Variants in ADAM12 observed in about 807,000 individuals in gnomAD.
ADAM12 encodes the protein disintegrin and metalloproteinase domain-containing protein 12.
ADAM12 carries 70 observed loss-of-function variants against 106.4 expected under a neutral mutation model. The ratio of observed to expected loss-of-function variants is 0.66; its 90% confidence interval spans 0.54 to 0.80. ADAM12 has a LOEUF of 0.80. Ranked by LOEUF, ADAM12 falls within the 30% of genes least tolerant of loss-of-function variation. The probability of loss-of-function intolerance (pLI) is 0.00; values close to 1 mark genes in which losing one functional copy is unlikely to be tolerated. For missense variants in ADAM12, 1,010 were observed against 1,171.9 expected (o/e 0.86, Z 2.02); for synonymous variants, 420 against 433.5 (o/e 0.97, Z 0.39).
At chr10:126,251,330 G>C (rs1029639015) in intron 3 of ADAM12, among the ~76,000 whole-genome samples, 3 of 152,242 alleles carry the variant, frequency 2.0e-5, no homozygotes, top group African/African-American at 4.8e-5. Flanking sequence ...TGTCCAGAGA[G>C]TGGGTAGCAT....
In ADAM12 at chr10:126,152,000, C is replaced by T. The variant is rs557535985; in HGVS notation, c.339+3227G>A. Among the ~76,000 whole-genome samples the T allele has an allele frequency of 6.4e-3, 855 of 133,490 alleles. 9 individuals are homozygous for T. Among genetic ancestry groups the T allele is most frequent in the African/African-American group, 0.023 (822 of 35,584 alleles). The allele number at this position is 133,490 out of a possible 152,430, so 87.6% of individuals were successfully genotyped here. A position where few individuals can be genotyped will look rare whatever the true frequency, so the allele number is the denominator to read the frequency against. On this transcript the variant is annotated intron_variant, in intron 4 of 22. Coordinates refer to ENST00000448723, the MANE Select transcript of ADAM12 (RefSeq NM_001288973.2). ...CCAGCTTTTGGTTTAATTCATCTTC[C>T]CTCTTGAGTTTTTTTTTTTTTTTTT... is the stretch of plus-strand genomic sequence containing the variant.
At chr10:126,230,366 A>G (rs1294696502) in intron 3 of ADAM12, among the ~76,000 whole-genome samples, 1 of 152,196 alleles carries the variant, frequency 6.6e-6, no homozygotes, top group Non-Finnish European at 1.5e-5. Context: ...TGCAATGAAT[A>G]TACTTTTGCA....
intron 3 of ADAM12, among the ~76,000 whole-genome samples, chr10:126,155,908 T>C (rs546550643): frequency 1.1e-4 from 16 of 152,202 alleles, no homozygotes; most frequent in East Asian, 1.9e-4. Context: ...TCCTGAAATA[T>C]TGAATTTCTA....
intron 3 of ADAM12, among the ~76,000 whole-genome samples, chr10:126,158,961 G>A (rs1217882887): frequency 6.6e-6 from 1 of 152,050 alleles, no homozygotes; most frequent in Non-Finnish European, 1.5e-5. Context: ...AGCTAAGGAT[G>A]CACACAGCCT....
At chr10:126,138,762 G>A (rs929990670) in intron 4 of ADAM12, among the ~76,000 whole-genome samples, 4 of 149,944 alleles carry the variant, frequency 2.7e-5, no homozygotes, top group African/African-American at 9.8e-5. Flanking sequence ...TACACTTCTG[G>A]TACCATGTCT....
chr10:126,371,115 T>G (rs1856101433), intron 1 of ADAM12, among the ~76,000 whole-genome samples: 1 of 152,250 alleles, frequency 6.6e-6, no homozygotes, highest in African/African-American at 2.4e-5. Flanking sequence ...CTGCACAAGC[T>G]GAATGTCCTA....
At chr10:126,317,082 T>C (rs565057323) in intron 2 of ADAM12, among the ~76,000 whole-genome samples, 1 of 152,308 alleles carries the variant, frequency 6.6e-6, no homozygotes, top group East Asian at 1.9e-4. Flanking sequence ...GGATGCAAAC[T>C]ATGTTGCCTC....
chr10:126,047,026 G>A (rs750903914), intron 16 of ADAM12, among the ~76,000 whole-genome samples: 1 of 151,990 alleles, frequency 6.6e-6, no homozygotes, highest in East Asian at 1.9e-4. Flanking sequence ...GAAAACAGAC[G>A]GCTCCTTGAA....
chr10:126,039,526 C>A, intron 18 of ADAM12, 97 bp from the exon 19 acceptor site: 1 of 1,472,980 alleles, frequency 6.8e-7, no homozygotes, highest in Non-Finnish European at 9.4e-7. Flanking sequence ...AACTCTGAAG[C>A]AACAGAAATG....
chr10:126,260,786 A>T (rs1958986324), intron 3 of ADAM12, among the ~76,000 whole-genome samples: 1 of 152,110 alleles, frequency 6.6e-6, no homozygotes, highest in Non-Finnish European at 1.5e-5. Flanking sequence ...TATCATGTCC[A>T]CCCCAAAGCA....
intron 3 of ADAM12, among the ~76,000 whole-genome samples, chr10:126,238,909 T>A (rs1435851328): frequency 6.6e-6 from 1 of 152,230 alleles, no homozygotes; most frequent in Non-Finnish European, 1.5e-5. Context: ...TTCTTTTTTA[T>A]AAAGAGGATT....
rs11244826 is a variant in ADAM12, at chr10:126,135,643, A to G, written c.357T>C (p.His119=). 9.9e-4 allele frequency: 1,604 copies of G among 1,614,150 alleles called. 23 individuals are homozygous for G. The East Asian group carries it at 0.03, about 30-fold the overall frequency. Residue 119 remains histidine (H), a synonymous_variant, in exon 5 of 23, where the codon CAT becomes CAC. Coordinates refer to ENST00000448723, the MANE Select transcript of ADAM12 (RefSeq NM_001288973.2). ...AATCAGAATATCCCCGTACATGTCC[A>G]TGGTAGTAACAGTGACCCTAAAGGG... is the stretch of plus-strand genomic sequence containing the variant. ...ARNYTGHCYY[H]GHVRGYSDSA... is the part of the protein sequence containing the mutation.
At chr10:126,128,774 T>TGTGTGGTGCGCGTGTCG (rs1565080027) in intron 5 of ADAM12, among the ~76,000 whole-genome samples, 4 of 32,194 alleles carry the variant, frequency 1.2e-4, no homozygotes, top group Non-Finnish European at 3.5e-4. Flanking sequence ...CCTGCCCATG[T>TGTGTGGTGCGCGTGTCG]GAGTGTGTGG....
At chr10:126,381,555 G>A (rs1478048300) in intron 1 of ADAM12, among the ~76,000 whole-genome samples, 1 of 152,088 alleles carries the variant, frequency 6.6e-6, no homozygotes, top group Non-Finnish European at 1.5e-5. Flanking sequence ...GAGTACAGTG[G>A]CACGATCTCA....
chr10:126,090,892 G>T (rs748247509), intron 11 of ADAM12: 1 of 152,190 alleles, frequency 6.6e-6, no homozygotes, highest in Non-Finnish European at 1.5e-5. Flanking sequence ...TACAATACTT[G>T]GTTCTTTTTG....
chr10:126,287,539 C>A (rs114732914), intron 2 of ADAM12, among the ~76,000 whole-genome samples: 2,248 of 152,218 alleles, frequency 0.015, 54 homozygotes, highest in African/African-American at 0.051. Context: ...CCTTCAATGG[C>A]AACCTGATGT....
intron 3 of ADAM12, among the ~76,000 whole-genome samples, chr10:126,267,951 T>A (rs1200544487): frequency 6.6e-6 from 1 of 152,078 alleles, no homozygotes; most frequent in East Asian, 1.9e-4. Context: ...CTTTGTTTTT[T>A]AACTGGGGCA....
intron 3 of ADAM12, among the ~76,000 whole-genome samples, chr10:126,272,492 TTAA>T (rs1290215710): frequency 6.6e-5 from 10 of 152,300 alleles, no homozygotes; most frequent in African/African-American, 1.7e-4. Context: ...TTATTAATTA[TTAA>T]TGTTTAGTAA....
intron 3 of ADAM12, among the ~76,000 whole-genome samples, chr10:126,176,955 C>T (rs1957229737): frequency 6.6e-6 from 1 of 152,008 alleles, no homozygotes; most frequent in South Asian, 2.1e-4. Context: ...AAAGAGCTGC[C>T]CTGTTTGTAT....
Sources: allele counts gnomAD v4.1 joint callset (sites outside exome capture counted in the v4.1 genomes callset), GRCh38; gene constraint gnomAD v4.1.1; transcripts MANE v1.5; gene names NCBI Gene and HGNC (gene_info 2026-07-23, HGNC 2026-07-21).